Variants in ATP10A observed in about 807,000 individuals in gnomAD.
The protein encoded by ATP10A is ATPase phospholipid transporting 10A (putative).
In ATP10A, 111 loss-of-function variants were observed where a neutral mutation model predicts 147.8. The observed-to-expected ratio is 0.75, with a 90% confidence interval of 0.64 to 0.88. ATP10A has a LOEUF of 0.88. ATP10A is among the 40% of genes least tolerant of loss of function. The pLI, the probability that ATP10A is intolerant of heterozygous loss-of-function variation, is 0.00. For missense variants in ATP10A, 1,927 were observed against 1,959.0 expected (o/e 0.98, Z 0.31); for synonymous variants, 875 against 841.6 (o/e 1.04, Z -0.69).
chr15:25,822,708 C>A (rs1011258460), intron 1 of ATP10A, among the ~76,000 whole-genome samples: 1 of 152,182 alleles, frequency 6.6e-6, no homozygotes, highest in Non-Finnish European at 1.5e-5. Context: ...GAACCTGCTG[C>A]TTAGAAAATA....
At position 25,826,699 on chromosome 15, in the gene ATP10A, G is replaced by A. The variant is rs192784237; in HGVS notation, c.449+35949C>T. ...AATCTCAGCTACATGGGAGGCTGAA[G>A]CACGAGAATCATTTGAACCCAGGAG... On this transcript the variant is annotated intron_variant, in intron 1 of 20. Transcript: ENST00000555815. 4.6e-5 allele frequency among the ~76,000 whole-genome samples: 7 copies of A among 152,298 alleles called. No individual in the cohort carries two copies. The East Asian group carries it at 1.2e-3, about 25-fold the overall frequency.
intron 2 of ATP10A, among the ~76,000 whole-genome samples, chr15:25,762,460 T>A (rs1888811735): frequency 6.6e-6 from 1 of 152,184 alleles, no homozygotes; most frequent in South Asian, 2.1e-4. Context: ...AGAAAAATGT[T>A]TGTAGAGACT....
chr15:25,818,716 T>G (rs565937826), intron 1 of ATP10A, among the ~76,000 whole-genome samples: 65 of 152,296 alleles, frequency 4.3e-4, no homozygotes, highest in African/African-American at 1.4e-3. Context: ...ATGTGAAGCC[T>G]TTAGTAATCA....
At chr15:25,729,748 C>G (rs1393996325) in intron 3 of ATP10A, among the ~76,000 whole-genome samples, 1 of 152,214 alleles carries the variant, frequency 6.6e-6, no homozygotes, top group Non-Finnish European at 1.5e-5. Flanking sequence ...GGCTCAGCTT[C>G]TGCCGCCTTC....
At chr15:25,801,527 G>C (rs571229822) in intron 1 of ATP10A, among the ~76,000 whole-genome samples, 6 of 152,314 alleles carry the variant, frequency 3.9e-5, no homozygotes, top group Non-Finnish European at 8.8e-5. Context: ...GAGGGCGGAC[G>C]AGAGTCCTGG....
chr15:25,855,119 A>C (rs1337974015), intron 1 of ATP10A, among the ~76,000 whole-genome samples: 1 of 151,900 alleles, frequency 6.6e-6, no homozygotes, highest in Non-Finnish European at 1.5e-5. Context: ...ACACTCCCCA[A>C]CTCATTCTAT....
intron 1 of ATP10A, among the ~76,000 whole-genome samples, chr15:25,854,677 C>A (rs1893432102): frequency 6.6e-6 from 1 of 152,148 alleles, no homozygotes; most frequent in African/African-American, 2.4e-5. Context: ...AAAGAAAAGC[C>A]CAGGCTCAGA....
In ATP10A at chr15:25,721,729, T is replaced by A. The variant is rs1902243992; in HGVS notation, c.1291A>T (p.Thr431Ser). The change falls in exon 7 of 21, where the codon ACT becomes TCT. Residue 431 changes from threonine (T) to serine (S), a missense_variant. Thr to Ser is a moderately conservative substitution (Grantham distance 58). Transcript: ENST00000555815. ...IQYIFSDKTGTLTENKMVFRR... is the reference protein window; with the variant it reads ...IQYIFSDKTGSLTENKMVFRR... ...AAAACCATCTTATTCTCTGTCAAAG[T>A]GCCAGTTTTATCTGAGAAAATGTAC... is the stretch of plus-strand genomic sequence containing the variant. 2 of 1,614,088 alleles carry A rather than the reference T, an allele frequency of 1.2e-6. No homozygotes were observed. Among genetic ancestry groups the A allele is most frequent in the East Asian group, 2.2e-5 (1 of 44,896 alleles).
chr15:25,855,989 T>C (rs929932517), intron 1 of ATP10A, among the ~76,000 whole-genome samples: 41 of 152,222 alleles, frequency 2.7e-4, no homozygotes, highest in African/African-American at 9.9e-4. Flanking sequence ...TTGAAAATTA[T>C]AGTGCAGTTA....
rs369633570 is a variant in ATP10A, at chr15:25,708,084, A to C, written c.2467T>G (p.Tyr823Asp). Residue 823 changes from tyrosine to aspartate, a missense_variant, in exon 12 of 21, where the codon TAT (tyrosine) becomes GAT (aspartate). Tyr to Asp is a radical substitution (Grantham distance 160). Coordinates refer to ENST00000555815, the MANE Select transcript of ATP10A (RefSeq NM_024490.4). ...AGGTGGCTTTGCAACCAGCAGGCAT[A>C]CTCTTCTTTACTCAGAACCTATGGG... The part of the protein sequence containing the change: ...IAKRVLSKEE[Y>D]ACWLQSHLEA... 1.2e-6 allele frequency: 2 copies of C among 1,613,746 alleles called. No homozygotes were observed. Among genetic ancestry groups the C allele is most frequent in the Non-Finnish European group, 1.7e-6 (2 of 1,179,982 alleles).
At chr15:25,843,462 T>A (rs2140895193) in intron 1 of ATP10A, among the ~76,000 whole-genome samples, 1 of 152,116 alleles carries the variant, frequency 6.6e-6, no homozygotes, top group East Asian at 1.9e-4. Flanking sequence ...ATAGACAGGA[T>A]GATAGATTTT....
intron 1 of ATP10A, among the ~76,000 whole-genome samples, chr15:25,824,122 T>C (rs1173096619): frequency 1.3e-5 from 2 of 148,862 alleles, no homozygotes; most frequent in Non-Finnish European, 3.0e-5. Flanking sequence ...ATAACATTTA[T>C]AGATTACACT....
At chr15:25,815,437 TCCCG>T (rs1891607375) in intron 1 of ATP10A, among the ~76,000 whole-genome samples, 1 of 29,262 alleles carries the variant, frequency 3.4e-5, no homozygotes, top group Non-Finnish European at 8.5e-5. Context: ...AAGAGTCTAT[TCCCG>T]ACACTTTAAA....
At chr15:25,844,894 T>C (rs1471370085) in intron 1 of ATP10A, among the ~76,000 whole-genome samples, 1 of 152,238 alleles carries the variant, frequency 6.6e-6, no homozygotes, top group Non-Finnish European at 1.5e-5. Flanking sequence ...GTTTCAGGCA[T>C]GGCTGTTCTC....
intron 2 of ATP10A, among the ~76,000 whole-genome samples, chr15:25,779,480 C>T (rs997427985): frequency 1.3e-5 from 2 of 151,974 alleles, no homozygotes; most frequent in African/African-American, 4.8e-5. Flanking sequence ...TGTTAGTTCA[C>T]ATCCCTGCAG....
intron 2 of ATP10A, among the ~76,000 whole-genome samples, chr15:25,771,933 G>T (rs2140668286): frequency 6.6e-6 from 1 of 151,998 alleles, no homozygotes; most frequent in Non-Finnish European, 1.5e-5. Context: ...TTGTATTTTA[G>T]TAGAGACGGG....
At position 25,679,721 on chromosome 15, in the gene ATP10A, C is replaced by T. The variant is rs1899276406; in HGVS notation, c.4120G>A (p.Asp1374Asn). 6.2e-7 allele frequency: 1 copy of T among 1,613,374 alleles called. No homozygotes were observed. Among genetic ancestry groups the T allele is most frequent in the Admixed American group, 1.7e-5 (1 of 60,028 alleles). The change falls in exon 21 of 21, where the codon GAC (aspartate) becomes AAC (asparagine). Residue 1374 changes from aspartate (D) to asparagine (N), a missense_variant. Asp to Asn is a conservative substitution (Grantham distance 23). Coordinates refer to ENST00000555815, the MANE Select transcript of ATP10A (RefSeq NM_024490.4). ...TGCTCCCTCACTGGCATGCTCATGT[C>T]CACTGTGCTGGGCTCCCCGCTGGCC... is the stretch of plus-strand genomic sequence containing the variant. ...LEASGEPSTV[D>N]MSMPVREHTL... is the part of the protein sequence containing the mutation.
chr15:25,716,856 C>T lies in ATP10A; in HGVS notation c.1650G>A (p.Val550=). ...KVSECDKSLA[V]ARHQEHLLAH... The stretch of plus-strand genomic sequence containing the variant: ...CCAGCAGGTGCTCCTGATGCCTCGC[C>T]ACGGCTAGGCTCTTGTCACACTCAC... The change falls in exon 9 of 21, where the codon GTG becomes GTA. Residue 550 remains valine (V), a synonymous_variant. Transcript: ENST00000555815. 3 of 1,610,330 alleles carry T rather than the reference C, an allele frequency of 1.9e-6. No homozygotes were observed. Among genetic ancestry groups the T allele is most frequent in the Non-Finnish European group, 1.7e-6 (2 of 1,178,452 alleles).
rs947120131 is a variant in ATP10A, at chr15:25,836,841, C to T, written c.449+25807G>A. Among the ~76,000 whole-genome samples, 7 of 152,172 alleles carry T rather than the reference C, an allele frequency of 4.6e-5. No individual in the cohort carries two copies. In the East Asian group the frequency reaches 9.7e-4, roughly 21 times the overall value. ...GCAAAAGTCTCCGATCCAGCAAGAC[C>T]GTCTATGCATGTGCTGTCCCTCTCC... On this transcript the variant is annotated intron_variant, in intron 1 of 20. Transcript: ENST00000555815.
Sources: gnomAD v4.1 joint callset for allele counts (sites outside exome capture counted in the v4.1 genomes callset) on GRCh38, gnomAD v4.1.1 for gene constraint, MANE v1.5 for transcripts, NCBI Gene and HGNC (gene_info 2026-07-23, HGNC 2026-07-21) for gene names.